The following HERC6 variants were observed in gnomAD, a reference collection of about 807,000 sequenced individuals.
The protein encoded by HERC6 is HECT and RLD domain containing E3 ubiquitin protein ligase family member 6, also known as probable E3 ubiquitin-protein ligase HERC6.
Under a neutral mutation model 114.5 loss-of-function variants are expected in HERC6, and 101 were observed. The observed-to-expected ratio is 0.88, with a 90% confidence interval of 0.75 to 1.04. HERC6 has a LOEUF of 1.04. Ranked by LOEUF, HERC6 falls within the 50% of genes least tolerant of loss-of-function variation. The pLI is 0.00. For synonymous variants in HERC6, 408 were observed against 436.2 expected (o/e 0.94, Z 0.81); for missense variants, 1,133 against 1,230.9 (o/e 0.92, Z 1.19).
chr4:88,435,898 A>G lies in HERC6; in HGVS notation c.2417+7A>G. On this transcript the variant is annotated splice_region_variant and intron_variant, in intron 18 of 22. Coordinates refer to ENST00000264346, the MANE Select transcript of HERC6 (RefSeq NM_017912.4). Reference sequence around the variant, plus strand: ...TCAGTCCTCGGTTGGGGAAGTAAGTAAATATAACGTTTTTTCAGGACCGTA... The same window carrying G: ...TCAGTCCTCGGTTGGGGAAGTAAGTGAATATAACGTTTTTTCAGGACCGTA... 1 of 1,596,216 alleles carries G rather than the reference A, an allele frequency of 6.3e-7. No individual in the cohort carries two copies. Among genetic ancestry groups the G allele is most frequent in the South Asian group, 1.1e-5 (1 of 87,726 alleles).
Position 88,404,908 on chromosome 4 carries a change from C to G in HERC6, c.1125C>G (p.Thr375=). The G allele has an allele frequency of 1.2e-6, 2 of 1,613,714 alleles. No individual in the cohort carries two copies. The highest frequency in any genetic ancestry group is 8.5e-7 in the Non-Finnish European group (1 of 1,179,740). ...DTSSTRAPGK[T]LPEISRISQS... The stretch of plus-strand genomic sequence containing the variant: ...GTTCCACACGTGCTCCCGGGAAAAC[C>G]CTGCCAGAAATAAGCCGAATTAGCC... Residue 375 remains threonine (T), a synonymous_variant, in exon 9 of 23, where the codon ACC becomes ACG. Coordinates refer to ENST00000264346, the MANE Select transcript of HERC6 (RefSeq NM_017912.4).
At chr4:88,436,617 C>A (rs1418832955) in intron 18 of HERC6, among the ~76,000 whole-genome samples, 3 of 152,110 alleles carry the variant, frequency 2.0e-5, no homozygotes, top group African/African-American at 4.8e-5. Flanking sequence ...GCTGAATGAC[C>A]CCTAGGGGAC....
intron 17 of HERC6, among the ~76,000 whole-genome samples, chr4:88,431,742 T>G (rs1738240172): frequency 1.3e-5 from 2 of 152,180 alleles, no homozygotes; most frequent in South Asian, 4.1e-4. Context: ...CACACCAGGC[T>G]AATTTTTGTA....
intron 4 of HERC6, among the ~76,000 whole-genome samples, chr4:88,393,233 G>A (rs531636727): frequency 3.8e-4 from 57 of 151,158 alleles, no homozygotes; most frequent in African/African-American, 1.3e-3. Context: ...CTTATACTTC[G>A]GATTGTTTAC....
chr4:88,405,557 A>G lies in HERC6; in HGVS notation c.1218A>G (p.Glu406=). Residue 406 remains glutamate, a synonymous_variant, in exon 10 of 23, where the codon GAA becomes GAG. Coordinates refer to ENST00000264346, the MANE Select transcript of HERC6 (RefSeq NM_017912.4). The part of the protein sequence containing the change: ...RSTEHEMAKS[E]IRMIFSSPAC... ...CCCCTTGTTATTACTTTTACAGTGA[A>G]ATTAGAATGATATTTTCATCTCCTG... The G allele has an allele frequency of 6.5e-7, 1 of 1,536,324 alleles. No individual in the cohort carries two copies. The highest frequency in any genetic ancestry group is 1.2e-5 in the South Asian group (1 of 80,434).
chr4:88,390,886 A>G lies in HERC6; in HGVS notation c.664+7A>G. 2 of 1,604,618 alleles carry G rather than the reference A, an allele frequency of 1.2e-6. No individual in the cohort carries two copies. Among genetic ancestry groups the G allele is most frequent in the Non-Finnish European group, 1.7e-6 (2 of 1,173,888 alleles). On this transcript the variant is annotated splice_region_variant and intron_variant, in intron 4 of 22. Transcript: ENST00000264346. ...AGTGGGCGTAATGTCCCAGGTAAGG[A>G]GATAGTCTTGTTTGTGCAGTAAATC...
chr4:88,423,378 C>T (rs943563658), intron 13 of HERC6, among the ~76,000 whole-genome samples: 2 of 152,188 alleles, frequency 1.3e-5, no homozygotes, highest in African/African-American at 4.8e-5. Flanking sequence ...CAATCTACAC[C>T]CAAGGGCAGT....
At chr4:88,406,890 G>T (rs150213479) in intron 10 of HERC6, among the ~76,000 whole-genome samples, 2,164 of 151,902 alleles carry the variant, frequency 0.014, 29 homozygotes, top group South Asian at 0.032. Flanking sequence ...CTGAATAGCT[G>T]GGATTACAGG....
At chr4:88,401,839 C>T (rs1202522084) in intron 8 of HERC6, among the ~76,000 whole-genome samples, 3 of 152,158 alleles carry the variant, frequency 2.0e-5, no homozygotes, top group Non-Finnish European at 2.9e-5. Context: ...ATATCACGTG[C>T]CCATTTGAAA....
chr4:88,422,533 C>A (rs376420920), intron 13 of HERC6, among the ~76,000 whole-genome samples: 5 of 152,134 alleles, frequency 3.3e-5, no homozygotes, highest in Non-Finnish European at 5.9e-5. Flanking sequence ...TTTCTGCATA[C>A]GATGGCAAAA....
chr4:88,435,319 A>T lies in HERC6; in HGVS notation c.2251-406A>T, dbSNP rs139602241. On this transcript the variant is annotated intron_variant, in intron 17 of 22. Coordinates refer to ENST00000264346, the MANE Select transcript of HERC6 (RefSeq NM_017912.4). ...GGGCTGCATTGCCAAAGGGGCTGCC[A>T]CTCATGCGAGGCTCATCTAATATGC... Among the ~76,000 whole-genome samples the T allele has an allele frequency of 3.9e-4, 59 of 150,026 alleles. 1 individual carries two copies. Among genetic ancestry groups the T allele is most frequent in the Non-Finnish European group, 7.5e-4 (51 of 67,638 alleles).
At chr4:88,403,800 A>T (rs1410797982) in intron 8 of HERC6, among the ~76,000 whole-genome samples, 2 of 151,920 alleles carry the variant, frequency 1.3e-5, no homozygotes, top group Non-Finnish European at 2.9e-5. Flanking sequence ...TTAAAAAGGA[A>T]CCCAGAGAGG....
In HERC6 at chr4:88,431,231, G is replaced by C; in HGVS notation, c.2176G>C (p.Glu726Gln). ...TTCAGAGTTCTTCCACTGTATGTTT[G>C]AAGAGATGACCAAGCCAGAATATGG... is the stretch of plus-strand genomic sequence containing the variant. Reference protein sequence around the residue: ...VSSEFFHCMFEEMTKPEYGMF... With the variant: ...VSSEFFHCMFQEMTKPEYGMF... Residue 726 changes from glutamate (E) to glutamine (Q), a missense_variant, in exon 17 of 23, where the codon GAA becomes CAA. This residue lies in a region of HERC6 where 388 missense variants were observed against 445.9 expected (regional missense o/e 0.87). Transcript: ENST00000264346. 6.2e-7 allele frequency: 1 copy of C among 1,613,632 alleles called. No homozygotes were observed. The highest frequency in any genetic ancestry group is 8.5e-7 in the Non-Finnish European group (1 of 1,179,710).
At chr4:88,379,497 C>T (rs545635082) in intron 1 of HERC6, among the ~76,000 whole-genome samples, 30 of 151,166 alleles carry the variant, frequency 2.0e-4, no homozygotes, top group Non-Finnish European at 3.5e-4. Context: ...TGTGGTCCCT[C>T]CGGCTTGCCT....
chr4:88,395,755 C>A (rs1206638274), intron 5 of HERC6, among the ~76,000 whole-genome samples: 1 of 151,920 alleles, frequency 6.6e-6, no homozygotes, highest in Non-Finnish European at 1.5e-5. Flanking sequence ...AACTCCTGGC[C>A]TCAAGTAATT....
intron 3 of HERC6, among the ~76,000 whole-genome samples, 173 bp downstream of exon 3, chr4:88,385,748 T>G (rs1203642742): frequency 6.6e-6 from 1 of 152,194 alleles, no homozygotes; most frequent in Admixed American, 6.5e-5. Context: ...CTAATTATAC[T>G]CTAAACAGTG....
rs187465718 is a variant in HERC6, at chr4:88,389,295, T to C, written c.437-1357T>C. Among the ~76,000 whole-genome samples, 19 of 152,266 alleles carry C rather than the reference T, an allele frequency of 1.2e-4. No homozygotes were observed. In the East Asian group the frequency reaches 3.7e-3, roughly 29 times the overall value. On this transcript the variant is annotated intron_variant, in intron 3 of 22. Coordinates refer to ENST00000264346, the MANE Select transcript of HERC6 (RefSeq NM_017912.4). ...TCTGTGATGGGAGTTGGTCCGTCAT[T>C]GAGTGAGACAGCAAGCTCCTGAAGT...
intron 10 of HERC6, among the ~76,000 whole-genome samples, chr4:88,406,020 G>C (rs376432941): frequency 3.0e-4 from 46 of 152,310 alleles, no homozygotes; most frequent in African/African-American, 9.9e-4. Flanking sequence ...CACTGCTACA[G>C]AAGAAAATCT....
intron 20 of HERC6, among the ~76,000 whole-genome samples, chr4:88,438,098 C>T (rs931859814): frequency 4.9e-5 from 7 of 143,702 alleles, no homozygotes; most frequent in Non-Finnish European, 7.5e-5. Context: ...TGCACTCAAG[C>T]CTGGGCAACA....
Sources: allele counts gnomAD v4.1 joint callset (sites outside exome capture counted in the v4.1 genomes callset), GRCh38; gene constraint gnomAD v4.1.1; regional missense constraint gnomAD v4.1.1; transcripts MANE v1.5; gene names NCBI Gene and HGNC (gene_info 2026-07-23, HGNC 2026-07-21).